NRXN1: variants seen among roughly 807,000 people sequenced by gnomAD.
NRXN1 encodes the protein neurexin 1.
Under a neutral mutation model 150.9 loss-of-function variants are expected in NRXN1, and 39 were observed. That is an observed-to-expected ratio of 0.26 (90% CI 0.20 to 0.34). NRXN1 has a LOEUF of 0.34. NRXN1 is among the 10% of genes least tolerant of loss of function. NRXN1 has a pLI of 1.00. For synonymous variants in NRXN1, 924 were observed against 757.0 expected, an observed-to-expected ratio of 1.22 and a Z score of -3.62; for missense variants, 1,815 against 1,949.9, an observed-to-expected ratio of 0.93 and a Z score of 1.30.
In NRXN1 at chr2:50,236,769, C is replaced by A. The variant is rs760819947; in HGVS notation, c.3546+20G>T. The A allele has an allele frequency of 8.1e-6, 13 of 1,610,446 alleles. No individual in the cohort carries two copies. Among genetic ancestry groups the A allele is most frequent in the Non-Finnish European group, 1.1e-5 (13 of 1,177,442 alleles). ...TAACAGTAAAAAGTAAAAGCTGAAT[C>A]TTATGCAAAAAGTACTTACTATATG... On this transcript the variant is annotated intron_variant, in intron 18 of 22. Coordinates refer to ENST00000401669, the MANE Select transcript of NRXN1 (RefSeq NM_001330078.2).
At position 51,028,457 on chromosome 2, in the gene NRXN1, T is replaced by C. The variant is rs1167413464; in HGVS notation, c.-184A>G. On this transcript the variant is annotated 5_prime_UTR_variant, in exon 2 of 23. Transcript: ENST00000401669. The stretch of plus-strand genomic sequence containing the variant: ...TCTTCTTCTTCCAATAACCCCGCCC[T>C]CTCTCCCTGTAGTCCTCTTCCAACT... 4.4e-6 allele frequency: 2 copies of C among 454,886 alleles called. No individual in the cohort carries two copies. Among genetic ancestry groups the C allele is most frequent in the Admixed American group, 7.6e-5 (2 of 26,290 alleles). 28.2% of individuals were successfully genotyped at this position (454,886 alleles called of 1,614,324 possible). A position where few individuals can be genotyped will look rare whatever the true frequency, so the allele number is the denominator to read the frequency against.
At chr2:50,382,456 T>C (rs79887107) in intron 17 of NRXN1, among the ~76,000 whole-genome samples, 2,224 of 152,216 alleles carry the variant, frequency 0.015, 55 homozygotes, top group African/African-American at 0.049. Context: ...AGAGGGAATA[T>C]TTACACCAGT....
intron 5 of NRXN1, among the ~76,000 whole-genome samples, chr2:50,699,886 G>A (rs1230105330): frequency 2.6e-5 from 4 of 152,124 alleles, no homozygotes; most frequent in African/African-American, 9.7e-5. Flanking sequence ...CTCATGGCAT[G>A]TTCAATTCCA....
chr2:49,940,691 A>C (rs1420541777), intron 22 of NRXN1, among the ~76,000 whole-genome samples: 1 of 152,220 alleles, frequency 6.6e-6, no homozygotes, highest in Non-Finnish European at 1.5e-5. Flanking sequence ...TTTCTGCCCA[A>C]AGAGCCACCT....
intron 21 of NRXN1, chr2:49,973,918 T>A (rs918593477): frequency 5.7e-6 from 4 of 702,350 alleles, no homozygotes; most frequent in Middle Eastern, 2.3e-4. Context: ...AAACCCTGCA[T>A]GCTGCAGATC....
chr2:50,952,475 T>C (rs932548289), intron 2 of NRXN1, among the ~76,000 whole-genome samples: 1 of 151,966 alleles, frequency 6.6e-6, no homozygotes, highest in Admixed American at 6.5e-5. Flanking sequence ...TTTTTGTTTG[T>C]CATGCCCAAT....
chr2:50,232,839 A>G (rs1559139066), intron 18 of NRXN1, among the ~76,000 whole-genome samples: 1 of 152,150 alleles, frequency 6.6e-6, no homozygotes, highest in African/African-American at 2.4e-5. Flanking sequence ...TTAACAAAAA[A>G]TAAACATTCA....
At chr2:50,927,871 C>T (rs1327612329) in intron 2 of NRXN1, among the ~76,000 whole-genome samples, 1 of 151,548 alleles carries the variant, frequency 6.6e-6, no homozygotes, top group Admixed American at 6.6e-5. Flanking sequence ...TGGCCTAAAA[C>T]TACAATTAAA....
intron 18 of NRXN1, among the ~76,000 whole-genome samples, chr2:50,161,721 A>T (rs550180625): frequency 6.6e-6 from 1 of 152,226 alleles, no homozygotes; most frequent in African/African-American, 2.4e-5. Flanking sequence ...TAATATTATT[A>T]TCTGTTGATC....
chr2:50,683,646 A>AAATATATATATATATATATATATATAT, intron 5 of NRXN1, among the ~76,000 whole-genome samples: 1 of 14,908 alleles, frequency 6.7e-5, no homozygotes, highest in African/African-American at 3.6e-4. Context: ...AAAAAAAAAA[A>AAATATATATATATATATATATATATAT]ATATATATAT....
chr2:50,799,193 T>C (rs769505233), intron 5 of NRXN1, among the ~76,000 whole-genome samples: 1 of 152,248 alleles, frequency 6.6e-6, no homozygotes, highest in Non-Finnish European at 1.5e-5. Flanking sequence ...CATTGGTAAA[T>C]GAATTCATCG....
At chr2:50,679,153 A>C (rs1457095096) in intron 5 of NRXN1, among the ~76,000 whole-genome samples, 1 of 152,052 alleles carries the variant, frequency 6.6e-6, no homozygotes, top group African/African-American at 2.4e-5. Context: ...TATGTGGAAA[A>C]GTAGATTCCC....
chr2:50,361,223 C>G (rs780306893), intron 17 of NRXN1, among the ~76,000 whole-genome samples: 29 of 151,962 alleles, frequency 1.9e-4, no homozygotes, highest in African/African-American at 7.0e-4. Flanking sequence ...CAAGGTCAAA[C>G]AAATTCAAAA....
At chr2:50,584,473 C>G (rs890159470) in intron 8 of NRXN1, among the ~76,000 whole-genome samples, 6 of 152,178 alleles carry the variant, frequency 3.9e-5, no homozygotes, top group Non-Finnish European at 5.9e-5. Context: ...TTATTCCCTA[C>G]CAACCATCTA....
intron 9 of NRXN1, among the ~76,000 whole-genome samples, chr2:50,548,888 T>C (rs1322773215): frequency 6.6e-6 from 1 of 152,104 alleles, no homozygotes; most frequent in Non-Finnish European, 1.5e-5. Flanking sequence ...GAATTGCTCT[T>C]AGGCGTGGGT....
At chr2:51,026,256 C>T in intron 2 of NRXN1, 1 of 703,584 alleles carries the variant, frequency 1.4e-6, no homozygotes. Context: ...ATTTCAGCCA[C>T]AAATGCCATT....
chr2:50,336,977 C>A (rs552489034), intron 17 of NRXN1, among the ~76,000 whole-genome samples: 12 of 152,024 alleles, frequency 7.9e-5, no homozygotes, highest in African/African-American at 2.9e-4. Context: ...TTATGAACCA[C>A]TGGCAATAAA....
intron 15 of NRXN1, among the ~76,000 whole-genome samples, chr2:50,492,773 C>CA (rs888396000): frequency 5.9e-5 from 9 of 151,882 alleles, no homozygotes; most frequent in Non-Finnish European, 1.0e-4. Context: ...GTAAAACAAA[C>CA]AAAAAAACAG....
At chr2:50,187,866 T>G (rs1408681442) in intron 18 of NRXN1, among the ~76,000 whole-genome samples, 1 of 152,150 alleles carries the variant, frequency 6.6e-6, no homozygotes, top group African/African-American at 2.4e-5. Context: ...AGTTCACTCA[T>G]GATTTGGCAC....
Sources: allele counts gnomAD v4.1 joint callset (sites outside exome capture counted in the v4.1 genomes callset), GRCh38; gene constraint gnomAD v4.1.1; transcripts MANE v1.5; gene names NCBI Gene and HGNC (gene_info 2026-07-23, HGNC 2026-07-21).